The following TAS2R1 variants were observed in gnomAD, a reference collection of about 807,000 sequenced individuals.
TAS2R1 encodes the protein taste 2 receptor member 1.
For synonymous variants in TAS2R1, 141 were observed against 134.2 expected (o/e 1.05, Z -0.35); for missense variants, 370 against 353.4 (o/e 1.05, Z -0.38).
upstream of TAS2R1, chr5:9,714,319 C>A (rs1462706248): frequency 6.6e-6 from 1 of 152,196 alleles, no homozygotes; most frequent in Non-Finnish European, 1.5e-5. Flanking sequence ...TGATAACAAA[C>A]ACAATGTCCC....
the TAS2R1 span, among the ~76,000 whole-genome samples, chr5:9,809,497 C>T: frequency 2.0e-5 from 3 of 151,960 alleles, no homozygotes; most frequent in Non-Finnish European, 4.4e-5. Flanking sequence ...GCCTACGAGA[C>T]ACAGCAAGAA....
At position 9,629,670 on chromosome 5, in the gene TAS2R1, C is replaced by T. The variant is rs1176005372; in HGVS notation, c.363G>A (p.Arg121=). Residue 121 remains arginine, a synonymous_variant, in exon 1 of 1, where the codon AGG becomes AGA. Coordinates refer to ENST00000382492, the MANE Select transcript of TAS2R1 (RefSeq NM_019599.3). The part of the protein sequence containing the change: ...RHPLFIWLKM[R]ISKLVPWMIL... ...TCATCCATGGGACCAGCTTGGATAT[C>T]CTCATCTTCAACCAGATGAAGAGTG... is the stretch of plus-strand genomic sequence containing the variant. The T allele has an allele frequency of 5.6e-6, 9 of 1,614,008 alleles. No individual in the cohort carries two copies. Among genetic ancestry groups the T allele is most frequent in the Non-Finnish European group, 7.6e-6 (9 of 1,180,040 alleles).
intron 1 of TAS2R1, among the ~76,000 whole-genome samples, chr5:9,667,464 T>G (rs1483412028): frequency 6.6e-6 from 1 of 152,224 alleles, no homozygotes; most frequent in Non-Finnish European, 1.5e-5. Flanking sequence ...TAGAGCTTCC[T>G]GCCCAGTGGC....
At chr5:9,708,078 T>C (rs1161706624) in intron 1 of TAS2R1, among the ~76,000 whole-genome samples, 4 of 152,090 alleles carry the variant, frequency 2.6e-5, no homozygotes, top group African/African-American at 9.7e-5. Flanking sequence ...CCTGGCCGCA[T>C]AGATCAGCAT....
chr5:9,778,176 G>A, the TAS2R1 span, among the ~76,000 whole-genome samples: 771 of 151,348 alleles, frequency 5.1e-3, 5 homozygotes, highest in South Asian at 0.023. Flanking sequence ...CACCACGCCC[G>A]GCGGGAGGCC....
chr5:9,897,867 C>G, the TAS2R1 span, among the ~76,000 whole-genome samples: 2 of 152,178 alleles, frequency 1.3e-5, no homozygotes, highest in African/African-American at 4.8e-5. Context: ...GATTAAAGAA[C>G]ACATTTTCTG....
the TAS2R1 span, among the ~76,000 whole-genome samples, chr5:9,755,600 A>G: frequency 6.6e-5 from 10 of 151,934 alleles, no homozygotes; most frequent in South Asian, 6.2e-4. Context: ...AAAAAAAAAA[A>G]AAAAAGAAAA....
chr5:9,759,803 T>C, the TAS2R1 span, among the ~76,000 whole-genome samples: 2 of 152,228 alleles, frequency 1.3e-5, no homozygotes, highest in African/African-American at 4.8e-5. Context: ...GAGTATCTGC[T>C]TAGTTCACCA....
At chr5:9,709,079 G>A (rs1741679245) in intron 1 of TAS2R1, among the ~76,000 whole-genome samples, 1 of 151,778 alleles carries the variant, frequency 6.6e-6, no homozygotes, top group Non-Finnish European at 1.5e-5. Context: ...ATGCATGTGG[G>A]GCTTAAAACC....
At position 9,630,063 on chromosome 5, in the gene TAS2R1, A is replaced by T; in HGVS notation, c.-31T>A. 6.6e-7 allele frequency: 1 copy of T among 1,504,124 alleles called. No individual in the cohort carries two copies. The highest frequency in any genetic ancestry group is 8.9e-7 in the Non-Finnish European group (1 of 1,129,170). The allele number at this position is 1,504,124 out of a possible 1,614,324, so 93.2% of individuals were successfully genotyped here. ...GAATAAAAAATTATTTACTTAAAAA[A>T]TAATGAAGTTATAAAGTTTTGGACA... On this transcript the variant is annotated 5_prime_UTR_variant, in exon 1 of 1. Coordinates refer to ENST00000382492, the MANE Select transcript of TAS2R1 (RefSeq NM_019599.3).
At chr5:9,655,419 G>GA (rs893021810) in intron 2 of TAS2R1, among the ~76,000 whole-genome samples, 2 of 151,616 alleles carry the variant, frequency 1.3e-5, no homozygotes, top group African/African-American at 2.4e-5. Flanking sequence ...GTAATAATGA[G>GA]AAAAAAATCA....
the TAS2R1 span, among the ~76,000 whole-genome samples, chr5:9,886,312 G>A: frequency 4.1e-4 from 61 of 148,630 alleles, no homozygotes; most frequent in East Asian, 7.7e-3. Flanking sequence ...GATTACAGGT[G>A]TGAGCCACTG....
upstream of TAS2R1, among the ~76,000 whole-genome samples, chr5:9,635,316 A>G (rs1004121454): frequency 2.0e-5 from 3 of 152,112 alleles, no homozygotes; most frequent in Middle Eastern, 3.2e-3. Flanking sequence ...ATGGTGGATT[A>G]TGTTTTTGAT....
the TAS2R1 span, among the ~76,000 whole-genome samples, chr5:9,747,323 A>G: frequency 6.6e-6 from 1 of 152,140 alleles, no homozygotes; most frequent in East Asian, 1.9e-4. Flanking sequence ...ACAGGAACAC[A>G]TGAGTGGGGT....
intron 1 of TAS2R1, among the ~76,000 whole-genome samples, chr5:9,694,243 T>C (rs913465284): frequency 2.0e-5 from 3 of 151,810 alleles, no homozygotes; most frequent in African/African-American, 7.3e-5. Flanking sequence ...ATTGTAACAA[T>C]GAAAAAAAAC....
the TAS2R1 span, among the ~76,000 whole-genome samples, chr5:9,756,819 G>A: frequency 4.6e-5 from 7 of 152,304 alleles, no homozygotes; most frequent in South Asian, 1.5e-3. Flanking sequence ...ATAAGCACCT[G>A]AGAAACAACT....
the TAS2R1 span, among the ~76,000 whole-genome samples, chr5:9,795,267 T>C: frequency 2.0e-5 from 3 of 152,188 alleles, no homozygotes; most frequent in Non-Finnish European, 2.9e-5. Flanking sequence ...TGCACCTTAC[T>C]AACATCATGA....
At chr5:9,882,992 T>C in the TAS2R1 span, among the ~76,000 whole-genome samples, 21 of 152,120 alleles carry the variant, frequency 1.4e-4, no homozygotes, top group Non-Finnish European at 2.4e-4. Flanking sequence ...CCATCAATGA[T>C]AGACTAGATA....
At chr5:9,702,925 C>T (rs1247522114) in intron 1 of TAS2R1, among the ~76,000 whole-genome samples, 1 of 151,750 alleles carries the variant, frequency 6.6e-6, no homozygotes, top group Non-Finnish European at 1.5e-5. Flanking sequence ...GAGGGGAAGG[C>T]AATCAGATGA....
Sources: allele counts gnomAD v4.1 joint callset (sites outside exome capture counted in the v4.1 genomes callset), GRCh38; gene constraint gnomAD v4.1.1; transcripts MANE v1.5; gene names NCBI Gene and HGNC (gene_info 2026-07-23, HGNC 2026-07-21).